Variants in ANK3 observed in about 807,000 individuals in gnomAD.
The protein encoded by ANK3 is ankyrin-3.
A neutral mutation model predicts 370.9 loss-of-function variants in ANK3; 57 were observed. The ratio of observed to expected loss-of-function variants is 0.15; its 90% CI spans 0.12 to 0.19. The LOEUF is 0.19. ANK3 is among the 10% of genes least tolerant of loss of function. ANK3 has a pLI of 1.00. For missense variants in ANK3, 4,439 were observed against 5,302.1 expected (o/e 0.84, Z 5.06); for synonymous variants, 1,929 against 1,946.3 (o/e 0.99, Z 0.23).
Position 60,372,242 on chromosome 10 carries a change from C to T in ANK3, c.114+17183G>A, listed in dbSNP as rs1044841365. Among the ~76,000 whole-genome samples the T allele has an allele frequency of 5.9e-5, 9 of 152,196 alleles. 1 individual carries two copies. In the East Asian group the frequency reaches 1.3e-3, roughly 23 times the overall value. ...CTGAATGGGCTCTCAACTGCCTTCT[C>T]CCCAAAACAACTGTGACTTTGGCCC... On this transcript the variant is annotated intron_variant, in intron 1 of 43. Coordinates refer to ENST00000280772, the MANE Select transcript of ANK3 (RefSeq NM_020987.5).
At chr10:60,523,030 T>G (rs1396142431) in intron 2 of ANK3, among the ~76,000 whole-genome samples, 1 of 151,918 alleles carries the variant, frequency 6.6e-6, no homozygotes, top group Admixed American at 6.6e-5. Flanking sequence ...AGAACACACC[T>G]CTAGAGAATT....
At chr10:60,134,780 A>G (rs568985764) in intron 24 of ANK3, among the ~76,000 whole-genome samples, 10 of 152,290 alleles carry the variant, frequency 6.6e-5, no homozygotes, top group African/African-American at 2.4e-4. Flanking sequence ...AATTATGTCT[A>G]CTTTAAATGG....
At chr10:60,558,155 T>C (rs371818760) in intron 2 of ANK3, among the ~76,000 whole-genome samples, 2 of 152,200 alleles carry the variant, frequency 1.3e-5, no homozygotes, top group East Asian at 1.9e-4. Flanking sequence ...CAATACCTTT[T>C]ATAGAGTAGT....
intron 1 of ANK3, among the ~76,000 whole-genome samples, chr10:60,378,117 G>A (rs760258922): frequency 1.4e-4 from 21 of 152,084 alleles, no homozygotes; most frequent in Non-Finnish European, 2.2e-4. Flanking sequence ...CCATCACTTC[G>A]TAAGGCCTGT....
At chr10:60,400,736 A>G (rs1341689253) in intron 2 of ANK3, among the ~76,000 whole-genome samples, 1 of 152,170 alleles carries the variant, frequency 6.6e-6, no homozygotes, top group Admixed American at 6.5e-5. Context: ...TCTTGGGTGC[A>G]TGTGCAGGAT....
In ANK3 at chr10:60,070,027, G is replaced by A; in HGVS notation, c.10854C>T (p.Asp3618=). The A allele has an allele frequency of 1.2e-6, 2 of 1,614,104 alleles. No individual in the cohort carries two copies. Among genetic ancestry groups the A allele is most frequent in the Admixed American group, 3.3e-5 (2 of 59,996 alleles). Residue 3618 remains aspartate (D), a synonymous_variant, in exon 37 of 44, where the codon GAC becomes GAT. Coordinates refer to ENST00000280772, the MANE Select transcript of ANK3 (RefSeq NM_020987.5). The surrounding 1 kb of genome is among the most constrained non-coding windows in gnomAD (Gnocchi z 5.7). ...CTTCAACAAAATCCCTCTTGCTCATGTCAATTGCACCACTGCGAGTCATCT... is the reference window on the plus strand; with the variant it reads ...CTTCAACAAAATCCCTCTTGCTCATATCAATTGCACCACTGCGAGTCATCT... ...MFEMTRSGAI[D]MSKRDFVEER...
intron 2 of ANK3, among the ~76,000 whole-genome samples, chr10:60,461,615 A>G (rs973689947): frequency 7.9e-5 from 12 of 151,960 alleles, no homozygotes; most frequent in African/African-American, 2.7e-4. Flanking sequence ...ATTCCATCAA[A>G]AATTGCAGCA....
chr10:60,386,933 G>A (rs1338490537), intron 1 of ANK3, among the ~76,000 whole-genome samples: 4 of 152,188 alleles, frequency 2.6e-5, no homozygotes, highest in Admixed American at 6.5e-5. Flanking sequence ...GCCTAGGCGG[G>A]TGGATCACCT....
chr10:60,658,066 T>C (rs2078889705), intron 1 of ANK3, among the ~76,000 whole-genome samples: 1 of 151,950 alleles, frequency 6.6e-6, no homozygotes, highest in Non-Finnish European at 1.5e-5. Context: ...CACCCTTTTA[T>C]TGCCAATGTA....
chr10:60,232,764 T>C (rs1012881226), intron 8 of ANK3, among the ~76,000 whole-genome samples: 2 of 152,190 alleles, frequency 1.3e-5, no homozygotes, highest in Non-Finnish European at 2.9e-5. Context: ...ACCTTTTGTT[T>C]CATAAGGGCA....
At chr10:60,710,614 A>AT (rs1428762050) in intron 1 of ANK3, among the ~76,000 whole-genome samples, 1 of 152,144 alleles carries the variant, frequency 6.6e-6, no homozygotes, top group Non-Finnish European at 1.5e-5. Context: ...TTTCCAATAT[A>AT]TTTTTTAAAA....
chr10:60,364,293 CAAA>C (rs34623231), intron 1 of ANK3, among the ~76,000 whole-genome samples: 4 of 135,822 alleles, frequency 2.9e-5, no homozygotes, highest in Non-Finnish European at 6.4e-5. Flanking sequence ...GACTCGGTCT[CAAA>C]AAAAAAAAAA....
intron 4 of ANK3, among the ~76,000 whole-genome samples, chr10:60,275,273 C>T (rs968211442): frequency 1.3e-5 from 2 of 152,112 alleles, no homozygotes; most frequent in Non-Finnish European, 2.9e-5. Context: ...TATTCAATAC[C>T]TTCTGCTCTG....
chr10:60,077,912 T>G (rs2084205551), intron 36 of ANK3, among the ~76,000 whole-genome samples: 1 of 152,168 alleles, frequency 6.6e-6, no homozygotes, highest in African/African-American at 2.4e-5. Flanking sequence ...ATACCAGCAT[T>G]TCTTCTGGCA....
chr10:60,574,868 A>T (rs992250049), intron 2 of ANK3, among the ~76,000 whole-genome samples: 1 of 152,186 alleles, frequency 6.6e-6, no homozygotes, highest in African/African-American at 2.4e-5. Context: ...TCTATAGTAG[A>T]TTCCAAGCAG....
rs114707540 is a variant in ANK3, at chr10:60,652,286, T to C, written c.58-37062A>G. On this transcript the variant is annotated intron_variant, in intron 1 of 43. Transcript: ENST00000373827. The stretch of plus-strand genomic sequence containing the variant: ...GCATAGTGGCGCACACCTGTAGCCC[T>C]AGCTACTCAGGTGGCTGAGCTAGGA... Among the ~76,000 whole-genome samples, 308 of 152,074 alleles carry C rather than the reference T, an allele frequency of 2.0e-3. 1 individual carries two copies. The highest frequency in any genetic ancestry group is 7.0e-3 in the African/African-American group (290 of 41,504).
intron 2 of ANK3, among the ~76,000 whole-genome samples, chr10:60,403,980 A>G (rs1290486185): frequency 3.9e-5 from 6 of 152,210 alleles, no homozygotes; most frequent in Non-Finnish European, 7.3e-5. Context: ...CGAATTTAAA[A>G]AAAGAACAAT....
Position 60,198,484 on chromosome 10 carries a change from T to G in ANK3, c.1545A>C (p.Val515=), listed in dbSNP as rs923442921. 2.5e-6 allele frequency: 4 copies of G among 1,614,104 alleles called. No individual in the cohort carries two copies. The African/African-American group carries it at 5.3e-5, about 22-fold the overall frequency. ...ISARLGKADI[V]QQLLQQGASP... is the part of the protein sequence containing the mutation. Reference sequence around the variant, plus strand: ...ATGCCCCTTGCTGCAACAGCTGTTGTACTATGTCTGCTTTCCCCAGTCGGG... The same window carrying G: ...ATGCCCCTTGCTGCAACAGCTGTTGGACTATGTCTGCTTTCCCCAGTCGGG... The change falls in exon 14 of 44, where the codon GTA becomes GTC. Residue 515 remains valine (V), a synonymous_variant. Transcript: ENST00000280772.
At chr10:60,059,218 G>T in intron 41 of ANK3, 122 bp downstream of exon 41, 4 of 786,082 alleles carry the variant, frequency 5.1e-6, no homozygotes, top group Non-Finnish European at 8.7e-6. Context: ...GGTCTTTAAA[G>T]CAGGTTTTAT....
Sources: gnomAD v4.1 joint callset for allele counts (sites outside exome capture counted in the v4.1 genomes callset) on GRCh38, gnomAD v4.1.1 for gene constraint, Gnocchi (gnomAD v3.1) non-coding constraint, MANE v1.5 for transcripts, NCBI Gene and HGNC (gene_info 2026-07-23, HGNC 2026-07-21) for gene names.